Variants in SIAH2 observed in about 807,000 individuals in gnomAD.
SIAH2 encodes the protein siah E3 ubiquitin protein ligase 2.
SIAH2 carries 4 observed loss-of-function variants against 20.4 expected under a neutral mutation model. The observed-to-expected ratio is 0.20, with a 90% CI of 0.10 to 0.45. SIAH2 has a LOEUF of 0.45. Ranked by LOEUF, SIAH2 falls within the 20% of genes least tolerant of loss-of-function variation. The pLI is 0.99. For missense variants in SIAH2, 259 were observed against 440.3 expected (o/e 0.59, Z 3.69); for synonymous variants, 171 against 192.5 (o/e 0.89, Z 0.93).
chr3:150,749,621 A>G (rs1714312841), intron 1 of SIAH2, among the ~76,000 whole-genome samples: 1 of 152,252 alleles, frequency 6.6e-6, no homozygotes, highest in Admixed American at 6.5e-5. Flanking sequence ...AAGTTTTATC[A>G]TAATAGTGTT....
In SIAH2 at chr3:150,759,569, A is replaced by G. The variant is rs190851965; in HGVS notation, c.417+2864T>C. ...CTCAGATTCGAAATCCCTACGTAGT[A>G]AGGTGTAGGACAAAACATCTGTGCC... is the stretch of plus-strand genomic sequence containing the variant. On this transcript the variant is annotated intron_variant, in intron 1 of 1. Transcript: ENST00000312960. Among the ~76,000 whole-genome samples the G allele has an allele frequency of 1.8e-4, 27 of 152,298 alleles. No homozygotes were observed. The East Asian group carries it at 5.2e-3, about 29-fold the overall frequency.
intron 1 of SIAH2, among the ~76,000 whole-genome samples, chr3:150,754,315 A>G (rs1281205232): frequency 4.6e-5 from 7 of 152,168 alleles, no homozygotes; most frequent in Non-Finnish European, 1.0e-4. Flanking sequence ...GCAAAGGGGG[A>G]GTGAGGCATC....
chr3:150,748,490 T>C (rs1020021010), intron 1 of SIAH2, among the ~76,000 whole-genome samples: 1 of 152,254 alleles, frequency 6.6e-6, no homozygotes, highest in African/African-American at 2.4e-5. Flanking sequence ...AATTCAAGAA[T>C]GATTTACTGA....
chr3:150,745,304 T>C (rs1414556576), intron 1 of SIAH2, among the ~76,000 whole-genome samples: 1 of 151,154 alleles, frequency 6.6e-6, no homozygotes, highest in Non-Finnish European at 1.5e-5. Context: ...TCAAGCAGTT[T>C]TGGCATTGTT....
At chr3:150,747,883 G>A in intron 1 of SIAH2, among the ~76,000 whole-genome samples, 1 of 148,408 alleles carries the variant, frequency 6.7e-6, no homozygotes, top group South Asian at 2.1e-4. Flanking sequence ...AGAATCACTT[G>A]AACCTGGGAG....
intron 1 of SIAH2, among the ~76,000 whole-genome samples, chr3:150,745,436 TAGGTGCTTCTG>T (rs1714190056): frequency 6.6e-6 from 1 of 152,034 alleles, no homozygotes; most frequent in African/African-American, 2.4e-5. Flanking sequence ...TAAAACTGTC[TAGGTGCTTCTG>T]AGCAGCAAAG....
At chr3:150,751,562 G>A (rs1714365380) in intron 1 of SIAH2, among the ~76,000 whole-genome samples, 1 of 152,142 alleles carries the variant, frequency 6.6e-6, no homozygotes, top group Non-Finnish European at 1.5e-5. Context: ...TGAGAGTAAG[G>A]AAACACTTAC....
chr3:150,758,286 A>G lies in SIAH2; in HGVS notation c.417+4147T>C, dbSNP rs117788532. On this transcript the variant is annotated intron_variant, in intron 1 of 1. Coordinates refer to ENST00000312960, the MANE Select transcript of SIAH2 (RefSeq NM_005067.7). ...CTAGAAACTTTCAGAGAGGACAAAG[A>G]AAAGGTATCATTACAGTGTAAGAAG... is the stretch of plus-strand genomic sequence containing the variant. Among the ~76,000 whole-genome samples, 300 of 152,286 alleles carry G rather than the reference A, an allele frequency of 2.0e-3. 1 individual carries two copies. The highest frequency in any genetic ancestry group is 0.014 in the East Asian group (72 of 5,182).
chr3:150,753,530 C>T (rs1245301843), intron 1 of SIAH2, among the ~76,000 whole-genome samples: 1 of 152,218 alleles, frequency 6.6e-6, no homozygotes, highest in Non-Finnish European at 1.5e-5. Flanking sequence ...GGTGTGGCGG[C>T]TCATGCCTGT....
In SIAH2 at chr3:150,745,240, TACACACACAC is replaced by T. The variant is rs5853495; in HGVS notation, c.418-2552_418-2543del. On this transcript the variant is annotated intron_variant, in intron 1 of 1. Transcript: ENST00000312960. ...GACTAAAGTCTAAATTTTAACCCCC[TACACACACAC>T]ACACACACACACACACACACACACA... Among the ~76,000 whole-genome samples, 226 of 140,672 alleles carry T rather than the reference TACACACACAC, an allele frequency of 1.6e-3. 1 individual carries two copies. The highest frequency in any genetic ancestry group is 5.4e-3 in the African/African-American group (204 of 37,974). 92.3% of individuals were successfully genotyped at this position (140,672 alleles called of 152,430 possible).
At chr3:150,758,008 C>A (rs2108125094) in intron 1 of SIAH2, among the ~76,000 whole-genome samples, 1 of 152,274 alleles carries the variant, frequency 6.6e-6, no homozygotes, top group African/African-American at 2.4e-5. Context: ...GACCCTGAGG[C>A]CATGAGTGCA....
chr3:150,758,028 T>TCTCTC (rs923931751), intron 1 of SIAH2, among the ~76,000 whole-genome samples: 5 of 151,968 alleles, frequency 3.3e-5, no homozygotes, highest in African/African-American at 7.3e-5. Context: ...ATCAAATACT[T>TCTCTC]CTCTCCTCTC....
chr3:150,761,382 A>G lies in SIAH2; in HGVS notation c.417+1051T>C, dbSNP rs548151795. On this transcript the variant is annotated intron_variant, in intron 1 of 1. Transcript: ENST00000312960. ...ACAAATGTTATAATATGACCACACA[A>G]TGCAATACTATGCAGCCATTTAAAA... Among the ~76,000 whole-genome samples, 40 of 152,362 alleles carry G rather than the reference A, an allele frequency of 2.6e-4. No homozygotes were observed. The Middle Eastern group carries it at 0.01, about 39-fold the overall frequency.
At chr3:150,759,379 T>C (rs1429440058) in intron 1 of SIAH2, among the ~76,000 whole-genome samples, 1 of 152,170 alleles carries the variant, frequency 6.6e-6, no homozygotes, top group African/African-American at 2.4e-5. Flanking sequence ...CCCATCTTCC[T>C]ACCCTACATG....
At position 150,760,819 on chromosome 3, in the gene SIAH2, C is replaced by T. The variant is rs1714592766; in HGVS notation, c.417+1614G>A. Among the ~76,000 whole-genome samples the T allele has an allele frequency of 2.0e-5, 3 of 152,348 alleles. No homozygotes were observed. The South Asian group carries it at 6.2e-4, about 32-fold the overall frequency. ...GCATCAAATAGCCACTCTATGTTAA[C>T]TACCACCAAACCTTTTCCAACCACT... On this transcript the variant is annotated intron_variant, in intron 1 of 1. Coordinates refer to ENST00000312960, the MANE Select transcript of SIAH2 (RefSeq NM_005067.7).
Position 150,762,810 on chromosome 3 carries a change from G to A in SIAH2, c.40C>T (p.Pro14Ser). The A allele has an allele frequency of 8.2e-6, 10 of 1,226,752 alleles. No individual in the cohort carries two copies. The highest frequency in any genetic ancestry group is 1.0e-5 in the Non-Finnish European group (10 of 970,892). 76.0% of individuals were successfully genotyped at this position (1,226,752 alleles called of 1,614,324 possible). ...TGCGGCGGCGGCTGCTTGCTGCAGGGTTTATTAGCGCTGGGGCCGGTGGAG... is the reference window on the plus strand; with the variant it reads ...TGCGGCGGCGGCTGCTTGCTGCAGGATTTATTAGCGCTGGGGCCGGTGGAG... ...PSSTGPSANKPCSKQPPPQPQ... is the reference protein window; with the variant it reads ...PSSTGPSANKSCSKQPPPQPQ... Residue 14 changes from proline (P) to serine (S), a missense_variant, in exon 1 of 2, where the codon CCC (proline) becomes TCC (serine). Coordinates refer to ENST00000312960, the MANE Select transcript of SIAH2 (RefSeq NM_005067.7). This position sits in a 1 kb window ranked among gnomAD's most constrained non-coding sequence, Gnocchi z 6.6.
At chr3:150,748,254 T>C (rs544305560) in intron 1 of SIAH2, among the ~76,000 whole-genome samples, 7 of 152,276 alleles carry the variant, frequency 4.6e-5, no homozygotes, top group African/African-American at 1.2e-4. Flanking sequence ...CTTTTCAGCA[T>C]AGAAACCCCT....
chr3:150,761,324 T>C (rs140215817), intron 1 of SIAH2, among the ~76,000 whole-genome samples: 3 of 152,362 alleles, frequency 2.0e-5, no homozygotes, highest in Non-Finnish European at 2.9e-5. Flanking sequence ...GTGAAACTGC[T>C]CCTGAAGGTT....
At position 150,762,935 on chromosome 3, in the gene SIAH2, G is replaced by T; in HGVS notation, c.-86C>A. On this transcript the variant is annotated 5_prime_UTR_variant, in exon 1 of 2. Coordinates refer to ENST00000312960, the MANE Select transcript of SIAH2 (RefSeq NM_005067.7). This position sits in a 1 kb window ranked among gnomAD's most constrained non-coding sequence, Gnocchi z 6.6. Reference sequence around the variant, plus strand: ...AGGCGGTGCGCGCCCCGCGGGCAGCGAGCTCCGAGGCAACGCCACGGCGCC... The same window carrying T: ...AGGCGGTGCGCGCCCCGCGGGCAGCTAGCTCCGAGGCAACGCCACGGCGCC... The T allele has an allele frequency of 1.8e-6, 2 of 1,109,536 alleles. No homozygotes were observed. Among genetic ancestry groups the T allele is most frequent in the Non-Finnish European group, 1.1e-6 (1 of 902,660 alleles). The allele number at this position is 1,109,536 out of a possible 1,614,324, so 68.7% of individuals were successfully genotyped here. A position where few individuals can be genotyped will look rare whatever the true frequency, so the allele number is the denominator to read the frequency against.
Sources: gnomAD v4.1 joint callset for allele counts (sites outside exome capture counted in the v4.1 genomes callset) on GRCh38, gnomAD v4.1.1 for gene constraint, Gnocchi (gnomAD v3.1) non-coding constraint, MANE v1.5 for transcripts, NCBI Gene and HGNC (gene_info 2026-07-23, HGNC 2026-07-21) for gene names.